Variants in OSBPL10 observed in about 807,000 individuals in gnomAD.
OSBPL10 encodes oxysterol binding protein like 10, also known as oxysterol-binding protein-related protein 10.
OSBPL10 carries 49 observed loss-of-function variants against 81.7 expected under a neutral mutation model. The observed-to-expected ratio is 0.60, with a 90% CI of 0.48 to 0.76. OSBPL10 has a LOEUF of 0.76. Ranked by LOEUF, OSBPL10 falls within the 30% of genes least tolerant of loss-of-function variation. The probability of loss-of-function intolerance (pLI) is 0.00; values close to 1 mark genes in which losing one functional copy is unlikely to be tolerated. For synonymous variants in OSBPL10, 419 were observed against 383.6 expected (o/e 1.09, Z -1.08); for missense variants, 923 against 987.8 (o/e 0.93, Z 0.88).
At chr3:31,977,762 A>G (rs1287466339) in intron 1 of OSBPL10, among the ~76,000 whole-genome samples, 1 of 152,132 alleles carries the variant, frequency 6.6e-6, no homozygotes, top group Non-Finnish European at 1.5e-5. Flanking sequence ...CTTCAGTGCC[A>G]TCCTGTAAAT....
At chr3:32,034,442 GA>G (rs34903839) in intron 2 of OSBPL10, among the ~76,000 whole-genome samples, 43 of 130,452 alleles carry the variant, frequency 3.3e-4, no homozygotes, top group African/African-American at 7.3e-4. Flanking sequence ...CCCTGTAGCG[GA>G]AAAAAAAAAA....
At chr3:31,983,138 T>G (rs1393278538), upstream of OSBPL10, among the ~76,000 whole-genome samples, 2 of 152,196 alleles carry the variant, frequency 1.3e-5, no homozygotes, top group Non-Finnish European at 2.9e-5. Context: ...CCATTGAGAT[T>G]TTAGCATTAT....
At chr3:31,801,320 G>A (rs1699372277) in intron 4 of OSBPL10, among the ~76,000 whole-genome samples, 1 of 152,178 alleles carries the variant, frequency 6.6e-6, no homozygotes, top group African/African-American at 2.4e-5. Context: ...GATAGCTACT[G>A]CCAACACCAC....
chr3:31,892,585 T>A (rs976621975), intron 1 of OSBPL10, among the ~76,000 whole-genome samples: 1 of 152,146 alleles, frequency 6.6e-6, no homozygotes, highest in Non-Finnish European at 1.5e-5. Context: ...TTCAGAACAG[T>A]AGAAACTGAC....
intron 1 of OSBPL10, among the ~76,000 whole-genome samples, chr3:31,931,170 G>A (rs148922441): frequency 5.3e-5 from 8 of 151,678 alleles, no homozygotes; most frequent in African/African-American, 1.9e-4. Context: ...GAAGGAAGGG[G>A]GAAACAATTC....
chr3:31,831,504 C>T (rs1700240749), intron 3 of OSBPL10, among the ~76,000 whole-genome samples: 2 of 151,626 alleles, frequency 1.3e-5, no homozygotes, highest in Admixed American at 1.3e-4. Flanking sequence ...CAACAAAATA[C>T]CCCACTACGA....
At chr3:31,945,379 C>G (rs183745324) in intron 1 of OSBPL10, among the ~76,000 whole-genome samples, 6 of 152,082 alleles carry the variant, frequency 3.9e-5, no homozygotes, top group African/African-American at 9.7e-5. Flanking sequence ...CTATCTGGAC[C>G]GGAAGCCTCA....
chr3:31,685,257 C>T lies in OSBPL10; in HGVS notation c.1246-1143G>A, dbSNP rs1700762196. On this transcript the variant is annotated intron_variant, in intron 7 of 11. Transcript: ENST00000396556. ...ACCTTCTGTCACCCAGGCTGGAGTGCGGTGGCACAATCTCAGCTCACTGCA... is the reference window on the plus strand; with the variant it reads ...ACCTTCTGTCACCCAGGCTGGAGTGTGGTGGCACAATCTCAGCTCACTGCA... 2.6e-5 allele frequency among the ~76,000 whole-genome samples: 4 copies of T among 152,150 alleles called. 1 individual carries two copies. The South Asian group carries it at 6.2e-4, about 24-fold the overall frequency.
intron 4 of OSBPL10, among the ~76,000 whole-genome samples, chr3:31,808,512 A>G (rs530495506): frequency 1.8e-4 from 27 of 152,230 alleles, no homozygotes; most frequent in African/African-American, 6.5e-4. Context: ...AATACCAACC[A>G]GTGGACTGAG....
intron 4 of OSBPL10, among the ~76,000 whole-genome samples, chr3:31,791,715 A>G (rs1442304241): frequency 6.6e-6 from 1 of 152,094 alleles, no homozygotes; most frequent in Non-Finnish European, 1.5e-5. Context: ...TGAAAATCAT[A>G]TCTTTATGCC....
In OSBPL10 at chr3:31,902,239, G is replaced by C. The variant is rs1244860244; in HGVS notation, c.282-22409C>G. Among the ~76,000 whole-genome samples the C allele has an allele frequency of 3.3e-5, 5 of 150,092 alleles. No homozygotes were observed. In the Admixed American group the frequency reaches 3.4e-4, roughly 10 times the overall value. ...GGACCTGGCACATATACAGTACTAAGAGGCTGCTTCTTGTCAGTATTTTTT... is the reference window on the plus strand; with the variant it reads ...GGACCTGGCACATATACAGTACTAACAGGCTGCTTCTTGTCAGTATTTTTT... On this transcript the variant is annotated intron_variant, in intron 1 of 11. Coordinates refer to ENST00000396556, the MANE Select transcript of OSBPL10 (RefSeq NM_017784.5).
chr3:31,809,166 G>C (rs377128157), intron 4 of OSBPL10, among the ~76,000 whole-genome samples: 9 of 152,196 alleles, frequency 5.9e-5, no homozygotes, highest in African/African-American at 1.9e-4. Flanking sequence ...ATCAATATTC[G>C]CAACGGATGA....
At chr3:31,971,575 C>T (rs1698569202) in intron 1 of OSBPL10, among the ~76,000 whole-genome samples, 1 of 152,204 alleles carries the variant, frequency 6.6e-6, no homozygotes, top group African/African-American at 2.4e-5. Context: ...ACATAAAGGT[C>T]AAATAGCTTG....
chr3:31,854,673 G>A (rs1003986828), intron 3 of OSBPL10, among the ~76,000 whole-genome samples: 3 of 151,906 alleles, frequency 2.0e-5, no homozygotes, highest in African/African-American at 7.3e-5. Context: ...TCCTTTACTC[G>A]GTTTTACCAA....
intron 1 of OSBPL10, among the ~76,000 whole-genome samples, chr3:31,939,143 C>CTTTTTTTTTTTTTT (rs1559525545): frequency 2.0e-5 from 1 of 49,700 alleles, no homozygotes; most frequent in Non-Finnish European, 4.6e-5. Flanking sequence ...ACTCTCTCAT[C>CTTTTTTTTTTTTTT]CTTTTTTTTT....
At chr3:31,784,086 C>T (rs1009194873) in intron 4 of OSBPL10, among the ~76,000 whole-genome samples, 51 of 151,378 alleles carry the variant, frequency 3.4e-4, no homozygotes, top group African/African-American at 1.1e-3. Context: ...CGCATGTAAT[C>T]CCAGCACTTT....
intron 2 of OSBPL10, chr3:32,030,379 G>T: frequency 1.7e-6 from 1 of 587,316 alleles, no homozygotes; most frequent in Non-Finnish European, 3.2e-6. Context: ...TGGCTAAACT[G>T]GAAGAGTCTA....
At chr3:32,076,178 G>T (rs1225257254) in intron 1 of OSBPL10, among the ~76,000 whole-genome samples, 1 of 152,124 alleles carries the variant, frequency 6.6e-6, no homozygotes, top group African/African-American at 2.4e-5. Flanking sequence ...GACCATCCTG[G>T]CTAACATGGT....
chr3:31,695,605 C>A (rs1280396360), intron 7 of OSBPL10, among the ~76,000 whole-genome samples: 1 of 152,236 alleles, frequency 6.6e-6, no homozygotes, highest in Non-Finnish European at 1.5e-5. Flanking sequence ...TTTAATCCAG[C>A]CCCTCACATT....
Sources: gnomAD v4.1 joint callset for allele counts (sites outside exome capture counted in the v4.1 genomes callset) on GRCh38, gnomAD v4.1.1 for gene constraint, MANE v1.5 for transcripts, NCBI Gene and HGNC (gene_info 2026-07-23, HGNC 2026-07-21) for gene names.